ECHDC1: variants seen among roughly 807,000 people sequenced by gnomAD.
ECHDC1 encodes the protein ethylmalonyl-CoA decarboxylase.
In ECHDC1, 29 loss-of-function variants were observed where a neutral mutation model predicts 29.7. The observed-to-expected ratio is 0.98, with a 90% CI of 0.73 to 1.33. The LOEUF (loss-of-function observed/expected upper bound fraction) is 1.33. Among genes scored for constraint, ECHDC1 ranks in the 40% most tolerant of loss-of-function variants. The probability of loss-of-function intolerance (pLI) is 0.00; values close to 1 mark genes in which losing one functional copy is unlikely to be tolerated. For synonymous variants in ECHDC1, 126 were observed against 123.1 expected, an observed-to-expected ratio of 1.02 and a Z score of -0.15; for missense variants, 328 against 350.0, an observed-to-expected ratio of 0.94 and a Z score of 0.50.
rs1359151491 is a variant in ECHDC1 at position 127,330,662 on chromosome 6, C to T, written c.220+147G>A. ...CTTAAAGTGTTTCTAGTTCATATTA[C>T]AGAGTTGTTGTTTTTGTTATTTTTC... On this transcript the variant is annotated intron_variant, in intron 2 of 5. Transcript: ENST00000454859. 5 of 629,876 alleles carry T rather than the reference C, an allele frequency of 7.9e-6. No individual in the cohort carries two copies. In the Admixed American group the frequency reaches 1.5e-4, roughly 19 times the overall value. 39.0% of individuals were successfully genotyped at this position (629,876 alleles called of 1,614,324 possible). A position where few individuals can be genotyped will look rare whatever the true frequency, so the allele number is the denominator to read the frequency against.
intron 4 of ECHDC1, chr6:127,315,434 A>G (rs1011868750): frequency 8.2e-6 from 2 of 244,908 alleles, no homozygotes; most frequent in Non-Finnish European, 1.6e-5. Context: ...CTAATCCTAT[A>G]TAAAGGCATG....
chr6:127,308,127 G>A (rs1366751490), intron 5 of ECHDC1, among the ~76,000 whole-genome samples: 3 of 152,016 alleles, frequency 2.0e-5, no homozygotes, highest in Non-Finnish European at 2.9e-5. Context: ...TAGAGGAGGG[G>A]ATACTTCCGA....
chr6:127,335,024 T>TA (rs1478964981), intron 1 of ECHDC1, among the ~76,000 whole-genome samples: 5 of 151,852 alleles, frequency 3.3e-5, no homozygotes, highest in Non-Finnish European at 7.4e-5. Context: ...TGTAGGCAAG[T>TA]AAAAAAAATA....
intron 5 of ECHDC1, among the ~76,000 whole-genome samples, chr6:127,301,933 T>G (rs779506733): frequency 2.0e-5 from 3 of 152,180 alleles, no homozygotes; most frequent in African/African-American, 7.2e-5. Context: ...GAAATATGTT[T>G]AATAAACAGA....
chr6:127,341,738 A>G (rs1186454817), intron 1 of ECHDC1: 1 of 152,198 alleles, frequency 6.6e-6, no homozygotes, highest in Non-Finnish European at 1.5e-5. Context: ...TGCACAGGAA[A>G]TAAGTGAGAT....
At chr6:127,297,315 A>G (rs7763519) in intron 5 of ECHDC1, among the ~76,000 whole-genome samples, 2 of 152,262 alleles carry the variant, frequency 1.3e-5, no homozygotes, top group African/African-American at 4.8e-5. Context: ...GTTATTCACT[A>G]CAACATTCTA....
intron 2 of ECHDC1, among the ~76,000 whole-genome samples, chr6:127,328,460 A>G (rs1783567072): frequency 6.6e-6 from 1 of 152,222 alleles, no homozygotes; most frequent in Non-Finnish European, 1.5e-5. Flanking sequence ...GTAATAGGTT[A>G]TACTATCTAG....
chr6:127,326,240 CTTG>C lies in ECHDC1; in HGVS notation c.363+759_363+761del, dbSNP rs1783321638. Among the ~76,000 whole-genome samples, 3 of 152,086 alleles carry C rather than the reference CTTG, an allele frequency of 2.0e-5. No individual in the cohort carries two copies. In the South Asian group the frequency reaches 6.2e-4, roughly 32 times the overall value. On this transcript the variant is annotated intron_variant, in intron 3 of 5. Transcript: ENST00000454859. ...GATAGTGAATGAGTTCTCATGAGACCTTGTTGTTTGAAAGTGTGTGGTACTTCT... is the reference window on the plus strand; with the variant it reads ...GATAGTGAATGAGTTCTCATGAGACCTTGTTTGAAAGTGTGTGGTACTTCT...
intron 5 of ECHDC1, among the ~76,000 whole-genome samples, chr6:127,308,784 AC>A (rs1468610095): frequency 6.6e-6 from 1 of 152,196 alleles, no homozygotes; most frequent in East Asian, 1.9e-4. Flanking sequence ...AAATCAACAT[AC>A]AAAAATCAGT....
At chr6:127,314,344 AT>A (rs1470489447) in intron 5 of ECHDC1, among the ~76,000 whole-genome samples, 2 of 152,188 alleles carry the variant, frequency 1.3e-5, no homozygotes, top group African/African-American at 4.8e-5. Flanking sequence ...TTAGTCCCTA[AT>A]CTTCCTGAAA....
At chr6:127,292,269 A>G (rs1780257522) in intron 5 of ECHDC1, among the ~76,000 whole-genome samples, 1 of 152,090 alleles carries the variant, frequency 6.6e-6, no homozygotes. Context: ...GCTTATGACA[A>G]CAAAAGTTAT....
In ECHDC1 at chr6:127,327,134, C is replaced by G; in HGVS notation, c.231G>C (p.Met77Ile). The change falls in exon 3 of 6, where the codon ATG (methionine) becomes ATC (isoleucine). Residue 77 changes from methionine to isoleucine, a missense_variant. Physicochemically the swap from Met to Ile is conservative, Grantham distance 10. Transcript: ENST00000454859. ...CAATTACTTTTTCCAGAAGTTGTAG[C>G]ATCATAACACCTGCCAGAGATGGAA... ...SRMNAFSGVM[M>I]LQLLEKVIEL... 6.2e-7 allele frequency: 1 copy of G among 1,612,762 alleles called. No homozygotes were observed. The highest frequency in any genetic ancestry group is 8.5e-7 in the Non-Finnish European group (1 of 1,179,350).
intron 5 of ECHDC1, among the ~76,000 whole-genome samples, chr6:127,309,341 A>G (rs1781689561): frequency 6.6e-6 from 1 of 152,120 alleles, no homozygotes; most frequent in African/African-American, 2.4e-5. Flanking sequence ...ACTGGAGAAA[A>G]CACAGTCTCT....
intron 2 of ECHDC1, chr6:127,329,744 G>A (rs962110163): frequency 3.2e-6 from 1 of 314,376 alleles, no homozygotes; most frequent in Non-Finnish European, 6.3e-6. Flanking sequence ...TAAGTGAATT[G>A]TTAAACTTAA....
chr6:127,338,377 A>G (rs1032805440), intron 1 of ECHDC1, among the ~76,000 whole-genome samples: 7 of 152,180 alleles, frequency 4.6e-5, no homozygotes, highest in African/African-American at 1.7e-4. Context: ...GAGCTCTACT[A>G]GAGAGTTCCA....
At chr6:127,312,137 GATAGAC>G (rs1781996252) in intron 5 of ECHDC1, among the ~76,000 whole-genome samples, 1 of 152,002 alleles carries the variant, frequency 6.6e-6, no homozygotes, top group South Asian at 2.1e-4. Context: ...TTAAAGTAGA[GATAGAC>G]ATAGACACAC....
At chr6:127,316,980 T>C (rs1016721855) in intron 3 of ECHDC1, among the ~76,000 whole-genome samples, 1 of 152,128 alleles carries the variant, frequency 6.6e-6, no homozygotes, top group African/African-American at 2.4e-5. Context: ...TCCAAACTCA[T>C]TGCCTTGTCT....
intron 3 of ECHDC1, among the ~76,000 whole-genome samples, 159 bp from the exon 4 acceptor site, chr6:127,316,661 TA>T (rs1353227924): frequency 6.6e-6 from 1 of 152,048 alleles, no homozygotes; most frequent in Non-Finnish European, 1.5e-5. Context: ...GAAATGCAAA[TA>T]ATGCTGTATT....
At chr6:127,327,802 TA>T (rs1783498016) in intron 2 of ECHDC1, among the ~76,000 whole-genome samples, 4 of 152,242 alleles carry the variant, frequency 2.6e-5, no homozygotes, top group Admixed American at 2.6e-4. Flanking sequence ...TCCAAAATTC[TA>T]TTGGAGCTTC....
Sources: gnomAD v4.1 joint callset for allele counts (sites outside exome capture counted in the v4.1 genomes callset) on GRCh38, gnomAD v4.1.1 for gene constraint, MANE v1.5 for transcripts, NCBI Gene and HGNC (gene_info 2026-07-23, HGNC 2026-07-21) for gene names.